The following IGF2BP2 variants were observed in gnomAD, a reference collection of about 807,000 sequenced individuals.
IGF2BP2 encodes the protein insulin-like growth factor 2 mRNA-binding protein 2.
Under a neutral mutation model 75.8 loss-of-function variants are expected in IGF2BP2, and 17 were observed. The observed-to-expected ratio is 0.22, with a 90% CI of 0.15 to 0.34. The LOEUF (loss-of-function observed/expected upper bound fraction) is 0.34. IGF2BP2 is among the 10% of genes least tolerant of loss of function. IGF2BP2 has a pLI of 1.00. For missense variants in IGF2BP2, 516 were observed against 772.4 expected, an observed-to-expected ratio of 0.67 and a Z score of 3.93; for synonymous variants, 288 against 295.6, an observed-to-expected ratio of 0.97 and a Z score of 0.26.
intron 13 of IGF2BP2, among the ~76,000 whole-genome samples, chr3:185,650,861 T>C (rs1051679984): frequency 6.6e-6 from 1 of 152,238 alleles, no homozygotes; most frequent in African/African-American, 2.4e-5. Flanking sequence ...TTTCTGTCTC[T>C]AGGGACTGGC....
intron 2 of IGF2BP2, chr3:185,716,632 C>A: frequency 1.9e-6 from 1 of 520,034 alleles, no homozygotes; most frequent in South Asian, 1.4e-5. Context: ...TAGGGAAGCA[C>A]AGCACCAGCC....
chr3:185,723,204 G>A (rs939120968), intron 2 of IGF2BP2, among the ~76,000 whole-genome samples: 10 of 152,128 alleles, frequency 6.6e-5, no homozygotes, highest in African/African-American at 2.4e-4. Context: ...CACATTAGGG[G>A]CACAATCAAA....
intron 2 of IGF2BP2, among the ~76,000 whole-genome samples, chr3:185,707,434 G>C (rs1724204966): frequency 6.8e-6 from 1 of 147,912 alleles, no homozygotes; most frequent in South Asian, 2.2e-4. Context: ...TCAGCCTCCT[G>C]AGTAGCTGGG....
At chr3:185,659,238 A>G (rs562845356) in intron 10 of IGF2BP2, among the ~76,000 whole-genome samples, 125 of 152,108 alleles carry the variant, frequency 8.2e-4, no homozygotes, top group African/African-American at 2.8e-3. Context: ...AGAAAAAAAA[A>G]AGAGAGAGAG....
chr3:185,808,858 G>C (rs185468741), intron 2 of IGF2BP2, among the ~76,000 whole-genome samples: 1 of 151,906 alleles, frequency 6.6e-6, no homozygotes. Context: ...ATGAGCCACC[G>C]CACCCAACCT....
chr3:185,665,350 GAGGAGGAGA>G (rs1560250774), intron 10 of IGF2BP2, among the ~76,000 whole-genome samples: 7 of 131,182 alleles, frequency 5.3e-5, no homozygotes, highest in Admixed American at 2.3e-4. Context: ...GGAGAAGGAG[GAGGAGGAGA>G]AGGAGGAGGA....
At chr3:185,733,477 C>T (rs1468066080) in intron 2 of IGF2BP2, among the ~76,000 whole-genome samples, 1 of 152,230 alleles carries the variant, frequency 6.6e-6, no homozygotes, top group Non-Finnish European at 1.5e-5. Flanking sequence ...CAGAGCCAGA[C>T]TGGGCGCGGT....
chr3:185,651,237 C>T (rs1714548319), intron 13 of IGF2BP2, among the ~76,000 whole-genome samples: 1 of 152,158 alleles, frequency 6.6e-6, no homozygotes, highest in Non-Finnish European at 1.5e-5. Flanking sequence ...TGTTTGACTT[C>T]TTTTACTTCG....
intron 2 of IGF2BP2, among the ~76,000 whole-genome samples, chr3:185,759,630 G>A (rs1460416660): frequency 2.0e-5 from 3 of 152,174 alleles, no homozygotes; most frequent in Admixed American, 6.5e-5. Flanking sequence ...AGAAGCACAC[G>A]GAAGGCTGAA....
intron 2 of IGF2BP2, among the ~76,000 whole-genome samples, chr3:185,815,700 C>T (rs970853978): frequency 6.6e-6 from 1 of 152,114 alleles, no homozygotes; most frequent in Non-Finnish European, 1.5e-5. Flanking sequence ...CAAAGAAATG[C>T]ATGGGGAGTT....
intron 7 of IGF2BP2, among the ~76,000 whole-genome samples, chr3:185,684,622 GTC>G (rs1720857229): frequency 6.6e-6 from 1 of 152,096 alleles, no homozygotes; most frequent in African/African-American, 2.4e-5. Flanking sequence ...GGACAGGCTG[GTC>G]TCGAACTCCT....
intron 12 of IGF2BP2, among the ~76,000 whole-genome samples, chr3:185,654,164 C>T (rs972455744): frequency 1.3e-5 from 2 of 152,186 alleles, no homozygotes; most frequent in South Asian, 2.1e-4. Flanking sequence ...TTGGTGGATG[C>T]GGATAAATGT....
At chr3:185,748,403 A>G (rs1000397280) in intron 2 of IGF2BP2, among the ~76,000 whole-genome samples, 1 of 152,222 alleles carries the variant, frequency 6.6e-6, no homozygotes, top group Non-Finnish European at 1.5e-5. Context: ...AATATGCCAC[A>G]AAGCCTGCTG....
intron 2 of IGF2BP2, among the ~76,000 whole-genome samples, chr3:185,807,559 T>A (rs2149987096): frequency 6.6e-6 from 1 of 152,388 alleles, no homozygotes; most frequent in East Asian, 1.9e-4. Context: ...TTCAATTTGT[T>A]GACTTTTCCT....
intron 2 of IGF2BP2, among the ~76,000 whole-genome samples, chr3:185,715,010 C>T (rs1725373090): frequency 6.6e-6 from 1 of 152,204 alleles, no homozygotes; most frequent in Non-Finnish European, 1.5e-5. Flanking sequence ...GTGCACCTCA[C>T]ATGCCGCACT....
intron 7 of IGF2BP2, among the ~76,000 whole-genome samples, chr3:185,681,447 A>T (rs1045042849): frequency 1.3e-5 from 2 of 152,212 alleles, no homozygotes. Flanking sequence ...GCACAAATAA[A>T]TGGAAAGACA....
Position 185,757,528 on chromosome 3 carries a change from G to A in IGF2BP2, c.240-59181C>T, listed in dbSNP as rs182872817. 1.2e-4 allele frequency among the ~76,000 whole-genome samples: 17 copies of A among 139,836 alleles called. No homozygotes were observed. The East Asian group carries it at 2.7e-3, about 22-fold the overall frequency. 91.7% of individuals were successfully genotyped at this position (139,836 alleles called of 152,430 possible). The stretch of plus-strand genomic sequence containing the variant: ...CACCCAGCCTGGAGTGCAGTGGCAC[G>A]ATCATGGCTCACTGCAGCCCTGACT... On this transcript the variant is annotated intron_variant, in intron 2 of 15. Coordinates refer to ENST00000382199, the MANE Select transcript of IGF2BP2 (RefSeq NM_006548.6).
intron 2 of IGF2BP2, chr3:185,724,792 A>G (rs1727076271): frequency 6.6e-6 from 1 of 152,236 alleles, no homozygotes; most frequent in South Asian, 2.1e-4. Context: ...TCTTGCCTAT[A>G]TGCTTTCCTT....
At chr3:185,776,182 C>T (rs1734514488) in intron 2 of IGF2BP2, among the ~76,000 whole-genome samples, 1 of 152,152 alleles carries the variant, frequency 6.6e-6, no homozygotes, top group African/African-American at 2.4e-5. Flanking sequence ...GAATTCAAGG[C>T]TGTAGTAAGC....
Sources: allele counts gnomAD v4.1 joint callset (sites outside exome capture counted in the v4.1 genomes callset), GRCh38; gene constraint gnomAD v4.1.1; transcripts MANE v1.5; gene names NCBI Gene and HGNC (gene_info 2026-07-23, HGNC 2026-07-21).